BCAS3: variants seen among roughly 807,000 people sequenced by gnomAD.
BCAS3 encodes BCAS3 microtubule associated cell migration factor, also known as BCAS4/BCAS3 fusion.
BCAS3 carries 53 observed loss-of-function variants against 116.1 expected under a neutral mutation model. That is an observed-to-expected ratio of 0.46 (90% CI 0.37 to 0.57). The LOEUF (loss-of-function observed/expected upper bound fraction) is 0.57. Among genes scored for constraint, BCAS3 ranks in the 20% least tolerant of loss-of-function variants. BCAS3 has a pLI of 0.00. For synonymous variants in BCAS3, 391 were observed against 408.2 expected (o/e 0.96, Z 0.51); for missense variants, 917 against 1,165.4 (o/e 0.79, Z 3.10).
chr17:60,822,525 G>A (rs751987985), intron 7 of BCAS3, among the ~76,000 whole-genome samples: 1 of 151,944 alleles, frequency 6.6e-6, no homozygotes, highest in Non-Finnish European at 1.5e-5. Flanking sequence ...TTTTTTTCTG[G>A]CATAACAGTT....
At chr17:60,765,080 G>T (rs1351926249) in intron 6 of BCAS3, among the ~76,000 whole-genome samples, 2 of 152,020 alleles carry the variant, frequency 1.3e-5, no homozygotes, top group Non-Finnish European at 2.9e-5. Context: ...GAGCCTATAT[G>T]CGTCTCTGCA....
rs1446736854 is a variant in BCAS3 at position 61,282,990 on chromosome 17, T to C, written c.2426-85337T>C. Among the ~76,000 whole-genome samples the C allele has an allele frequency of 6.6e-6, 1 of 151,080 alleles. No homozygotes were observed. Among genetic ancestry groups the C allele is most frequent in the Non-Finnish European group, 1.5e-5 (1 of 67,818 alleles). On this transcript the variant is annotated intron_variant, in intron 22 of 23. Transcript: ENST00000407086. This position sits in a 1 kb window ranked among gnomAD's most constrained non-coding sequence, Gnocchi z 5.9. ...TATATATAAATTTTTTTCACTGTGA[T>C]TTTCCCCCTTTAAAAATAAATCAGC...
chr17:60,914,099 A>G lies in BCAS3; in HGVS notation c.993+3397A>G, dbSNP rs185090849. On this transcript the variant is annotated intron_variant, in intron 12 of 23. Transcript: ENST00000407086. ...GCTTCTGAGGTGTTTTGTTCATGTG[A>G]TGAAGGCTTATCCACCTTGTATCAA... 7.2e-5 allele frequency among the ~76,000 whole-genome samples: 11 copies of G among 152,244 alleles called. No individual in the cohort carries two copies. In the East Asian group the frequency reaches 2.1e-3, roughly 29 times the overall value.
chr17:61,035,627 A>C (rs2066964527), intron 17 of BCAS3, among the ~76,000 whole-genome samples: 1 of 151,784 alleles, frequency 6.6e-6, no homozygotes, highest in Non-Finnish European at 1.5e-5. Context: ...CCAGTGAGAA[A>C]TAAGGCTCAG....
chr17:60,712,163 T>TTGGGAAG (rs1232995072), intron 5 of BCAS3, among the ~76,000 whole-genome samples: 1 of 134,980 alleles, frequency 7.4e-6, no homozygotes, highest in Non-Finnish European at 1.5e-5. Context: ...AGACTCTGTC[T>TTGGGAAG]CAAAACAAAA....
intron 7 of BCAS3, among the ~76,000 whole-genome samples, chr17:60,827,289 AAGGTATTAAGGAT>A (rs1403506246): frequency 6.6e-6 from 1 of 152,188 alleles, no homozygotes; most frequent in African/African-American, 2.4e-5. Flanking sequence ...TTGGGTCAGG[AAGGTATTAAGGAT>A]AGTTAGATAT....
rs954477186 is a variant in BCAS3, at chr17:61,387,758, T to G, written c.2594-4219T>G. ...CCCTGTGGCCCGCACCAGCACCCGT[T>G]CTTTCTTGGGGGATGGGGGTGGGAG... On this transcript the variant is annotated intron_variant, in intron 23 of 23. Coordinates refer to ENST00000407086, the MANE Select transcript of BCAS3 (RefSeq NM_017679.5). This position sits in a 1 kb window ranked among gnomAD's most constrained non-coding sequence, Gnocchi z 6.2. Among the ~76,000 whole-genome samples the G allele has an allele frequency of 1.3e-5, 2 of 152,166 alleles. No homozygotes were observed. Among genetic ancestry groups the G allele is most frequent in the African/African-American group, 4.8e-5 (2 of 41,436 alleles).
chr17:60,924,671 A>G (rs528588639), intron 13 of BCAS3, among the ~76,000 whole-genome samples, 171 bp downstream of exon 13: 1 of 151,868 alleles, frequency 6.6e-6, no homozygotes, highest in East Asian at 1.9e-4. Context: ...AAAATTTAGT[A>G]CCCCTCTAAA....
chr17:60,728,472 T>TTTTTA (rs890436839), intron 5 of BCAS3, among the ~76,000 whole-genome samples: 3 of 152,116 alleles, frequency 2.0e-5, no homozygotes, highest in African/African-American at 2.4e-5. Context: ...TACCTTTTTA[T>TTTTTA]TTTTATTTTA....
At chr17:60,910,225 A>G (rs1291005369) in intron 11 of BCAS3, among the ~76,000 whole-genome samples, 1 of 152,236 alleles carries the variant, frequency 6.6e-6, no homozygotes, top group Non-Finnish European at 1.5e-5. Context: ...TGAAAGAAAT[A>G]TCTTCTATAA....
intron 5 of BCAS3, among the ~76,000 whole-genome samples, chr17:60,733,217 A>T (rs1448563443): frequency 6.6e-6 from 1 of 152,246 alleles, no homozygotes; most frequent in Non-Finnish European, 1.5e-5. Flanking sequence ...AAATTTGTAT[A>T]GCTAATAAGC....
chr17:60,856,087 T>C (rs80094522), intron 7 of BCAS3, among the ~76,000 whole-genome samples: 4,628 of 152,292 alleles, frequency 0.03, 182 homozygotes, highest in East Asian at 0.092. Flanking sequence ...GAAGGCCATG[T>C]CCGAGGTCAG....
chr17:61,291,018 A>G (rs764968887), intron 22 of BCAS3, among the ~76,000 whole-genome samples: 27 of 151,854 alleles, frequency 1.8e-4, no homozygotes, highest in Non-Finnish European at 3.7e-4. Context: ...CTGACCTCAT[A>G]ATCCACCCGC....
At position 61,204,915 on chromosome 17, in the gene BCAS3, G is replaced by A. The variant is rs183209856; in HGVS notation, c.2425+120351G>A. 5.3e-4 allele frequency among the ~76,000 whole-genome samples: 81 copies of A among 152,238 alleles called. No homozygotes were observed. Among genetic ancestry groups the A allele is most frequent in the African/African-American group, 1.9e-3 (78 of 41,536 alleles). On this transcript the variant is annotated intron_variant, in intron 22 of 23. Transcript: ENST00000407086. This position sits in a 1 kb window ranked among gnomAD's most constrained non-coding sequence, Gnocchi z 4.2. The stretch of plus-strand genomic sequence containing the variant: ...AAAAATATAGAAATTAGCCTGGCGT[G>A]GCGGCACATACCTGTAGTCCCAGCT...
Position 61,273,514 on chromosome 17 carries a change from A to T in BCAS3, c.2426-94813A>T, listed in dbSNP as rs77829926. 5.9e-5 allele frequency among the ~76,000 whole-genome samples: 9 copies of T among 152,176 alleles called. No individual in the cohort carries two copies. In the East Asian group the frequency reaches 1.7e-3, roughly 29 times the overall value. On this transcript the variant is annotated intron_variant, in intron 22 of 23. Transcript: ENST00000407086. Reference sequence around the variant, plus strand: ...AAGATTTGTTTATCTGTTTCTCACCATTTTGATGATGATGTGCTCTGGATT... The same window carrying T: ...AAGATTTGTTTATCTGTTTCTCACCTTTTTGATGATGATGTGCTCTGGATT...
Position 61,226,634 on chromosome 17 carries a change from C to T in BCAS3, c.2426-141693C>T, listed in dbSNP as rs942382766. 3.9e-5 allele frequency among the ~76,000 whole-genome samples: 6 copies of T among 152,264 alleles called. No homozygotes were observed. Among genetic ancestry groups the T allele is most frequent in the Non-Finnish European group, 7.4e-5 (5 of 68,016 alleles). ...CAGGGTGATCTTTTTTGTTCAGATG[C>T]AAAATAGCTCCAGTACTCATGTGTA... On this transcript the variant is annotated intron_variant, in intron 22 of 23. Coordinates refer to ENST00000407086, the MANE Select transcript of BCAS3 (RefSeq NM_017679.5). This position sits in a 1 kb window ranked among gnomAD's most constrained non-coding sequence, Gnocchi z 6.0.
chr17:60,727,205 C>T (rs2039972796), intron 5 of BCAS3: 3 of 926,660 alleles, frequency 3.2e-6, no homozygotes, highest in African/African-American at 3.2e-5. Context: ...CTTATCTCCT[C>T]CCGGTTCAAA....
At chr17:60,714,974 C>T (rs931290897) in intron 5 of BCAS3, among the ~76,000 whole-genome samples, 1 of 152,038 alleles carries the variant, frequency 6.6e-6, no homozygotes, top group African/African-American at 2.4e-5. Context: ...CCATCCCTAA[C>T]AATGTTATTG....
intron 6 of BCAS3, among the ~76,000 whole-genome samples, chr17:60,779,066 A>G (rs2045557652): frequency 6.6e-6 from 1 of 152,170 alleles, no homozygotes; most frequent in Non-Finnish European, 1.5e-5. Flanking sequence ...GCTTCTAACC[A>G]CATTGTATTA....
Sources: gnomAD v4.1 joint callset for allele counts (sites outside exome capture counted in the v4.1 genomes callset) on GRCh38, gnomAD v4.1.1 for gene constraint, Gnocchi (gnomAD v3.1) non-coding constraint, MANE v1.5 for transcripts, NCBI Gene and HGNC (gene_info 2026-07-23, HGNC 2026-07-21) for gene names.